The following AGMO variants were observed in gnomAD, a reference collection of about 807,000 sequenced individuals.
The protein encoded by AGMO is alkylglycerol monooxygenase.
Under a neutral mutation model 60.2 loss-of-function variants are expected in AGMO, and 75 were observed. The ratio of observed to expected loss-of-function variants is 1.25; its 90% CI spans 1.03 to 1.51. AGMO has a LOEUF of 1.51. Ranked by LOEUF, AGMO falls within the 40% of genes most tolerant of loss-of-function variation. The probability of loss-of-function intolerance (pLI) is 0.00; values close to 1 mark genes in which losing one functional copy is unlikely to be tolerated. For synonymous variants in AGMO, 261 were observed against 177.1 expected, an observed-to-expected ratio of 1.47 and a Z score of -3.76; for missense variants, 763 against 525.5, an observed-to-expected ratio of 1.45 and a Z score of -4.42.
chr7:15,465,445 C>A (rs1454529546), intron 3 of AGMO, among the ~76,000 whole-genome samples: 1 of 150,846 alleles, frequency 6.6e-6, no homozygotes, highest in Non-Finnish European at 1.5e-5. Context: ...TTTTTTGAGA[C>A]AAGATCTTGC....
chr7:15,473,725 G>A (rs1289525429), intron 3 of AGMO, among the ~76,000 whole-genome samples: 1 of 152,100 alleles, frequency 6.6e-6, no homozygotes, highest in Non-Finnish European at 1.5e-5. Context: ...AATCAGGCAA[G>A]AGAAAGAAAT....
intron 3 of AGMO, among the ~76,000 whole-genome samples, chr7:15,523,784 T>C (rs1395955556): frequency 6.6e-6 from 1 of 152,034 alleles, no homozygotes; most frequent in Non-Finnish European, 1.5e-5. Context: ...TGTATACCTA[T>C]GTGACACACC....
chr7:15,132,300 CAG>C, the AGMO span, among the ~76,000 whole-genome samples: 71 of 152,268 alleles, frequency 4.7e-4, 2 homozygotes, highest in African/African-American at 1.7e-3. Context: ...GCACTACTCT[CAG>C]AGTTGGGATT....
the AGMO span, among the ~76,000 whole-genome samples, chr7:15,157,717 G>A: frequency 6.6e-6 from 1 of 152,180 alleles, no homozygotes; most frequent in Non-Finnish European, 1.5e-5. Context: ...GTTCAAGCTT[G>A]CTGGTGACTT....
intron 3 of AGMO, among the ~76,000 whole-genome samples, chr7:15,531,071 CTATATATATTCTATA>C: frequency 1.6e-5 from 1 of 62,016 alleles, no homozygotes. Context: ...TGTATATATT[CTATATATATTCTATA>C]TATATATTCT....
intron 5 of AGMO, among the ~76,000 whole-genome samples, chr7:15,401,137 T>C (rs1784542746): frequency 6.6e-6 from 1 of 152,148 alleles, no homozygotes; most frequent in Admixed American, 6.5e-5. Flanking sequence ...CTCACTACCT[T>C]ACATTACCTA....
chr7:15,449,060 C>A (rs575711395), intron 3 of AGMO, among the ~76,000 whole-genome samples: 1 of 152,124 alleles, frequency 6.6e-6, no homozygotes, highest in South Asian at 2.1e-4. Context: ...CCTCTCTTTT[C>A]TATGTGAAAG....
chr7:15,476,215 G>A (rs1463945663), intron 3 of AGMO, among the ~76,000 whole-genome samples: 2 of 152,064 alleles, frequency 1.3e-5, no homozygotes, highest in South Asian at 2.1e-4. Context: ...AGTAAGCAGA[G>A]GACATTAGAA....
At chr7:15,354,275 T>G (rs1425356688) in intron 12 of AGMO, among the ~76,000 whole-genome samples, 1 of 144,140 alleles carries the variant, frequency 6.9e-6, no homozygotes, top group African/African-American at 2.6e-5. Flanking sequence ...ATGATAGATG[T>G]ATATCACGAA....
intron 3 of AGMO, among the ~76,000 whole-genome samples, chr7:15,459,205 T>G (rs537023816): frequency 1.3e-5 from 2 of 152,294 alleles, no homozygotes; most frequent in East Asian, 1.9e-4. Flanking sequence ...TTTGATTGAT[T>G]TAGTTAAGCC....
chr7:15,334,090 T>G (rs1781577542), intron 12 of AGMO, among the ~76,000 whole-genome samples: 2 of 152,206 alleles, frequency 1.3e-5, no homozygotes, highest in Admixed American at 6.5e-5. Context: ...GTTTTACAAG[T>G]GCCTATATTT....
chr7:15,146,122 C>T, the AGMO span, among the ~76,000 whole-genome samples: 4 of 152,092 alleles, frequency 2.6e-5, no homozygotes, highest in African/African-American at 9.7e-5. Context: ...TCTGCTATAG[C>T]ACAGTTAATA....
downstream of AGMO, among the ~76,000 whole-genome samples, chr7:15,199,042 C>G (rs908619567): frequency 1.3e-5 from 2 of 152,146 alleles, no homozygotes; most frequent in Non-Finnish European, 2.9e-5. Context: ...GTTTCAAAGG[C>G]AAACTATAAA....
chr7:15,339,530 G>T (rs1296012541), intron 12 of AGMO, among the ~76,000 whole-genome samples: 1 of 152,134 alleles, frequency 6.6e-6, no homozygotes, highest in African/African-American at 2.4e-5. Context: ...TCCAAACTTT[G>T]TCAATTTGCA....
At chr7:15,294,012 AATTT>A (rs1230256938) in intron 12 of AGMO, among the ~76,000 whole-genome samples, 1 of 152,104 alleles carries the variant, frequency 6.6e-6, no homozygotes, top group African/African-American at 2.4e-5. Flanking sequence ...CAGTGACTAA[AATTT>A]ATTAATAAGT....
At chr7:15,198,434 A>C (rs916978031), downstream of AGMO, among the ~76,000 whole-genome samples, 1 of 152,230 alleles carries the variant, frequency 6.6e-6, no homozygotes, top group Non-Finnish European at 1.5e-5. Context: ...TGAAGAATAA[A>C]GTGCCTTGGT....
chr7:15,145,169 TG>T, the AGMO span, among the ~76,000 whole-genome samples: 1 of 152,178 alleles, frequency 6.6e-6, no homozygotes, highest in African/African-American at 2.4e-5. Context: ...AAATATCACC[TG>T]CCTATTGCCC....
intron 12 of AGMO, among the ~76,000 whole-genome samples, chr7:15,320,206 A>G (rs1781066435): frequency 6.6e-6 from 1 of 152,132 alleles, no homozygotes; most frequent in Non-Finnish European, 1.5e-5. Flanking sequence ...GCACACGTAT[A>G]CATATGTAAC....
At chr7:15,540,462 A>T (rs1446265656) in intron 3 of AGMO, among the ~76,000 whole-genome samples, 1 of 152,186 alleles carries the variant, frequency 6.6e-6, no homozygotes, top group Non-Finnish European at 1.5e-5. Flanking sequence ...ACGCTGGAAA[A>T]TGGAGGCAAG....
Sources: gnomAD v4.1 joint callset for allele counts (sites outside exome capture counted in the v4.1 genomes callset) on GRCh38, gnomAD v4.1.1 for gene constraint, MANE v1.5 for transcripts, NCBI Gene and HGNC (gene_info 2026-07-23, HGNC 2026-07-21) for gene names.